Variants in ADGRB1 observed in about 807,000 individuals in gnomAD.
ADGRB1 encodes adhesion G protein-coupled receptor B1, also known as brain-specific angiogenesis inhibitor 1.
A neutral mutation model predicts 175.7 loss-of-function variants in ADGRB1; 36 were observed. The observed-to-expected ratio is 0.20, with a 90% CI of 0.16 to 0.27. The LOEUF (loss-of-function observed/expected upper bound fraction) is 0.27. Among genes scored for constraint, ADGRB1 ranks in the 10% least tolerant of loss-of-function variants. The pLI is 1.00. For synonymous variants in ADGRB1, 1,054 were observed against 979.4 expected (o/e 1.08, Z -1.42); for missense variants, 1,731 against 2,255.3 (o/e 0.77, Z 4.71).
intron 17 of ADGRB1, among the ~76,000 whole-genome samples, chr8:142,498,802 A>G (rs1842346978): frequency 6.6e-6 from 1 of 152,090 alleles, no homozygotes; most frequent in East Asian, 1.9e-4. Flanking sequence ...TTTTTCTTCT[A>G]TAGAAAGTCT....
intron 1 of ADGRB1, among the ~76,000 whole-genome samples, chr8:142,462,947 C>T (rs55887230): frequency 0.13 from 20,005 of 152,218 alleles, 1,567 homozygotes; most frequent in East Asian, 0.24. Flanking sequence ...TCACCCGTGG[C>T]GCTGTGAGTG....
chr8:142,515,123 C>T (rs948459671), intron 18 of ADGRB1, among the ~76,000 whole-genome samples: 4 of 152,178 alleles, frequency 2.6e-5, no homozygotes, highest in African/African-American at 4.8e-5. Context: ...ACCTAGTATG[C>T]AGGGAGGGCC....
chr8:142,505,862 A>G (rs925411560), intron 17 of ADGRB1, among the ~76,000 whole-genome samples: 2 of 152,102 alleles, frequency 1.3e-5, no homozygotes, highest in Non-Finnish European at 2.9e-5. Flanking sequence ...CTCTCCATGC[A>G]TTTTCAGATA....
intron 23 of ADGRB1, among the ~76,000 whole-genome samples, chr8:142,524,861 G>A (rs1056268253): frequency 6.6e-6 from 1 of 152,106 alleles, no homozygotes; most frequent in Non-Finnish European, 1.5e-5. Context: ...TGGGGTCACA[G>A]ATGAGCTGCG....
At chr8:142,462,942 C>G (rs1056798398) in intron 1 of ADGRB1, among the ~76,000 whole-genome samples, 1 of 152,182 alleles carries the variant, frequency 6.6e-6, no homozygotes, top group Non-Finnish European at 1.5e-5. Context: ...TCTGCTCACC[C>G]GTGGCGCTGT....
chr8:142,526,633 A>C lies in ADGRB1; in HGVS notation c.3398+6A>C. ...AAGCTGAAGGAGCGGGCAGGGTAGG[A>C]CCGGGGCTACGCGGCTCCTTGCCCA... On this transcript the variant is annotated splice_donor_region_variant and intron_variant, in intron 24 of 30. Coordinates refer to ENST00000517894, the MANE Select transcript of ADGRB1 (RefSeq NM_001702.3). The C allele has an allele frequency of 6.2e-7, 1 of 1,609,348 alleles. No homozygotes were observed. The highest frequency in any genetic ancestry group is 8.5e-7 in the Non-Finnish European group (1 of 1,178,292).
intron 6 of ADGRB1, 142 bp downstream of exon 6, chr8:142,477,691 GT>G: frequency 8.4e-7 from 1 of 1,195,002 alleles, no homozygotes; most frequent in Non-Finnish European, 1.1e-6. Flanking sequence ...CTCAGACTGG[GT>G]TTAGGAAGCA....
intron 17 of ADGRB1, among the ~76,000 whole-genome samples, chr8:142,491,839 A>G (rs897915678): frequency 6.6e-6 from 1 of 152,140 alleles, no homozygotes; most frequent in African/African-American, 2.4e-5. Context: ...TTCAGTGACA[A>G]GGGAAGGCTC....
At chr8:142,535,375 C>T (rs1371118108) in intron 25 of ADGRB1, among the ~76,000 whole-genome samples, 2 of 152,098 alleles carry the variant, frequency 1.3e-5, no homozygotes, top group Non-Finnish European at 2.9e-5. Context: ...TGGGCGGGGA[C>T]AGAGGACACC....
At chr8:142,518,775 C>T (rs962640097) in intron 19 of ADGRB1, among the ~76,000 whole-genome samples, 4 of 152,324 alleles carry the variant, frequency 2.6e-5, no homozygotes, top group South Asian at 4.1e-4. Context: ...TGTGTGGACG[C>T]GCCTCCAGGC....
chr8:142,482,115 C>A (rs1172176937), intron 11 of ADGRB1, among the ~76,000 whole-genome samples: 1 of 150,734 alleles, frequency 6.6e-6, no homozygotes, highest in Non-Finnish European at 1.5e-5. Flanking sequence ...TGGTCACACT[C>A]TGAGTCCTGA....
Position 142,542,619 on chromosome 8 carries a change from T to A in ADGRB1, c.4385T>A (p.Val1462Asp), listed in dbSNP as rs1380070500. 1 of 1,551,148 alleles carries A rather than the reference T, an allele frequency of 6.4e-7. No individual in the cohort carries two copies. The highest frequency in any genetic ancestry group is 1.2e-5 in the South Asian group (1 of 84,352). Residue 1462 changes from valine (V) to aspartate (D), a missense_variant, in exon 28 of 31, where the codon GTC (valine) becomes GAC (aspartate). By Grantham distance (152) the Val-to-Asp change is radical (BLOSUM62 -3). Around this residue, in one of 8 missense-constraint regions of ADGRB1, gnomAD observed 394 missense variants for 410.2 expected, o/e 0.96. Coordinates refer to ENST00000517894, the MANE Select transcript of ADGRB1 (RefSeq NM_001702.3). The surrounding 1 kb of genome is among the most constrained non-coding windows in gnomAD (Gnocchi z 6.3). ...STGPSTKNENVATLSVSSLER... is the reference protein window; with the variant it reads ...STGPSTKNENDATLSVSSLER... ...GGGCCCAGCACCAAGAACGAGAATG[T>A]CGCCACCTTGTCTGTGAGCTCCCTG...
At position 142,464,444 on chromosome 8, in the gene ADGRB1, C is replaced by T. The variant is rs1485297981; in HGVS notation, c.246C>T (p.Leu82=). 1 of 1,574,896 alleles carries T rather than the reference C, an allele frequency of 6.3e-7. No individual in the cohort carries two copies. The highest frequency in any genetic ancestry group is 8.6e-7 in the Non-Finnish European group (1 of 1,164,672). ...LRNPDPRRYT[L]YMKVAKAPVP... is the part of the protein sequence containing the mutation. ...ACCCGGACCCGCGGCGCTACACTCT[C>T]TACATGAAGGTGGCCAAGGCGCCCG... Residue 82 remains leucine, a synonymous_variant, in exon 2 of 31, where the codon CTC becomes CTT. Transcript: ENST00000517894.
Position 142,493,136 on chromosome 8 carries a change from G to C in ADGRB1, c.2675+2321G>C, listed in dbSNP as rs1002215415. Reference sequence around the variant, plus strand: ...GGTGGAGGGTGTGGGCCCCTGGGGGGCCTGCAGAGTAAATTGCTTTTTAGA... The same window carrying C: ...GGTGGAGGGTGTGGGCCCCTGGGGGCCCTGCAGAGTAAATTGCTTTTTAGA... On this transcript the variant is annotated intron_variant, in intron 17 of 30. Transcript: ENST00000517894. The surrounding 1 kb of genome is among the most constrained non-coding windows in gnomAD (Gnocchi z 5.0). Among the ~76,000 whole-genome samples, 3 of 152,018 alleles carry C rather than the reference G, an allele frequency of 2.0e-5. No individual in the cohort carries two copies. Among genetic ancestry groups the C allele is most frequent in the African/African-American group, 7.2e-5 (3 of 41,384 alleles).
At chr8:142,485,782 A>G (rs1193039549) in intron 13 of ADGRB1, among the ~76,000 whole-genome samples, 2 of 152,246 alleles carry the variant, frequency 1.3e-5, no homozygotes, top group Non-Finnish European at 1.5e-5. Context: ...CACATGCTTC[A>G]TAACCCTGTC....
At position 142,518,159 on chromosome 8, in the gene ADGRB1, C is replaced by A; in HGVS notation, c.2839C>A (p.Pro947Thr). The A allele has an allele frequency of 6.2e-7, 1 of 1,613,718 alleles. No homozygotes were observed. The highest frequency in any genetic ancestry group is 8.5e-7 in the Non-Finnish European group (1 of 1,179,800). The change falls in exon 19 of 31, where the codon CCG (proline) becomes ACG (threonine). Residue 947 changes from proline (P) to threonine (T), a missense_variant. By Grantham distance (38) the Pro-to-Thr change is conservative (BLOSUM62 -1). Around this residue, in one of 8 missense-constraint regions of ADGRB1, gnomAD observed 301 missense variants for 488.4 expected, o/e 0.62. Transcript: ENST00000517894. ...ACAGAACATGGAGAAGGCGACTCTG[C>A]CGTCGGTGACGCTCATCGTGGGCTG... The part of the protein sequence containing the change: ...ADANMEKATL[P>T]SVTLIVGCGV...
chr8:142,486,826 C>T (rs1841694466), intron 13 of ADGRB1, among the ~76,000 whole-genome samples: 1 of 151,822 alleles, frequency 6.6e-6, no homozygotes, highest in Non-Finnish European at 1.5e-5. Context: ...TGAGACCAGC[C>T]TGGGCAGCAC....
chr8:142,538,738 G>A (rs1053664201), intron 26 of ADGRB1, among the ~76,000 whole-genome samples: 6 of 152,166 alleles, frequency 3.9e-5, no homozygotes, highest in Admixed American at 2.0e-4. Context: ...GCTGCCTGAG[G>A]GTGGTGGGTG....
chr8:142,466,813 A>G (rs1186972864), intron 2 of ADGRB1, among the ~76,000 whole-genome samples: 1 of 152,162 alleles, frequency 6.6e-6, no homozygotes, highest in African/African-American at 2.4e-5. Flanking sequence ...CAGCGGTCAC[A>G]GGCACACCTG....
Sources: gnomAD v4.1 joint callset for allele counts (sites outside exome capture counted in the v4.1 genomes callset) on GRCh38, gnomAD v4.1.1 for gene constraint, gnomAD v4.1.1 regional missense constraint, Gnocchi (gnomAD v3.1) non-coding constraint, MANE v1.5 for transcripts, NCBI Gene and HGNC (gene_info 2026-07-23, HGNC 2026-07-21) for gene names.